The following VWA2 variants were observed in gnomAD, a reference collection of about 807,000 sequenced individuals.
The protein encoded by VWA2 is von Willebrand factor A domain-containing protein 2.
VWA2 carries 73 observed loss-of-function variants against 70.4 expected under a neutral mutation model. That is an observed-to-expected ratio of 1.04 (90% CI 0.86 to 1.26). VWA2 has a LOEUF of 1.26. Among genes scored for constraint, VWA2 ranks in the 50% most tolerant of loss-of-function variants. The pLI is 0.00. For missense variants in VWA2, 1,011 were observed against 998.5 expected (o/e 1.01, Z -0.17); for synonymous variants, 407 against 423.3 (o/e 0.96, Z 0.47).
Position 114,291,262 on chromosome 10 carries a change from G to T in VWA2, c.*25G>T. 2 of 1,548,410 alleles carry T rather than the reference G, an allele frequency of 1.3e-6. No homozygotes were observed. The highest frequency in any genetic ancestry group is 1.7e-6 in the Non-Finnish European group (2 of 1,146,038). On this transcript the variant is annotated 3_prime_UTR_variant, in exon 14 of 14. Coordinates refer to ENST00000392982, the MANE Select transcript of VWA2 (RefSeq NM_001272046.2). The stretch of plus-strand genomic sequence containing the variant: ...AGGCACATGGCTCCCGTGCAGGAGG[G>T]CAGCAGCCGTACCCCTCCCAGCAAC...
intron 8 of VWA2, among the ~76,000 whole-genome samples, chr10:114,281,490 G>A (rs2038113722): frequency 6.6e-6 from 1 of 152,230 alleles, no homozygotes; most frequent in Admixed American, 6.5e-5. Context: ...CTGGAACATG[G>A]AGGGAACCAT....
chr10:114,266,796 T>C (rs1338963689), intron 5 of VWA2, among the ~76,000 whole-genome samples: 3 of 152,174 alleles, frequency 2.0e-5, no homozygotes, highest in Non-Finnish European at 2.9e-5. Flanking sequence ...GTCTCCACTT[T>C]ACCTTGGCAG....
chr10:114,276,673 A>ATT lies in VWA2; in HGVS notation c.567-1216_567-1215dup, dbSNP rs34808735. 1.5e-3 allele frequency among the ~76,000 whole-genome samples: 171 copies of ATT among 113,692 alleles called. 1 individual carries two copies. Among genetic ancestry groups the ATT allele is most frequent in the African/African-American group, 4.0e-3 (111 of 27,944 alleles). The allele number at this position is 113,692 out of a possible 152,430, so 74.6% of individuals were successfully genotyped here. ...CAGATGTCTGCCACGACACCCAGCAATTTTTTTTTTTTTTTTTTTTTTTTT... is the reference window on the plus strand; with the variant it reads ...CAGATGTCTGCCACGACACCCAGCAATTTTTTTTTTTTTTTTTTTTTTTTTTT... On this transcript the variant is annotated intron_variant, in intron 6 of 13. Coordinates refer to ENST00000392982, the MANE Select transcript of VWA2 (RefSeq NM_001272046.2).
rs370040869 is a variant in VWA2, at chr10:114,268,604, G to A, written c.372-4136G>A. Among the ~76,000 whole-genome samples, 7 of 152,252 alleles carry A rather than the reference G, an allele frequency of 4.6e-5. No homozygotes were observed. In the South Asian group the frequency reaches 1.2e-3, roughly 27 times the overall value. ...ACTATTCTCTGAGTGGGGTTTCCTC[G>A]TTTGTTAAACGTAGAAATAGACCCT... On this transcript the variant is annotated intron_variant, in intron 5 of 13. Transcript: ENST00000392982.
Position 114,254,906 on chromosome 10 carries a change from T to C in VWA2, c.128-9T>C. The C allele has an allele frequency of 6.2e-7, 1 of 1,611,970 alleles. No homozygotes were observed. Among genetic ancestry groups the C allele is most frequent in the Non-Finnish European group, 8.5e-7 (1 of 1,178,912 alleles). On this transcript the variant is annotated splice_polypyrimidine_tract_variant and intron_variant, in intron 3 of 13. Transcript: ENST00000392982. Reference sequence around the variant, plus strand: ...CCTGGTTGTCATCTGTCTGTCCCGCTCTCCCTAGTGATGTGGTGCTCGGCT... The same window carrying C: ...CCTGGTTGTCATCTGTCTGTCCCGCCCTCCCTAGTGATGTGGTGCTCGGCT...
At chr10:114,272,005 G>C (rs2037720973) in intron 5 of VWA2, among the ~76,000 whole-genome samples, 1 of 152,194 alleles carries the variant, frequency 6.6e-6, no homozygotes, top group Non-Finnish European at 1.5e-5. Context: ...CTCAAAGCTG[G>C]CAGTCCTCTC....
intron 2 of VWA2, among the ~76,000 whole-genome samples, chr10:114,251,526 G>C (rs186592052): frequency 6.6e-6 from 1 of 152,240 alleles, no homozygotes; most frequent in Non-Finnish European, 1.5e-5. Flanking sequence ...TATTTTAAAA[G>C]AAACTGTATT....
At chr10:114,240,513 G>A (rs1430168708) in intron 1 of VWA2, among the ~76,000 whole-genome samples, 2 of 152,206 alleles carry the variant, frequency 1.3e-5, no homozygotes, top group Admixed American at 1.3e-4. Context: ...TAATTAGAAC[G>A]TGTACATTTT....
At chr10:114,240,251 A>T (rs1291295716) in intron 1 of VWA2, among the ~76,000 whole-genome samples, 4 of 152,106 alleles carry the variant, frequency 2.6e-5, no homozygotes, top group African/African-American at 9.7e-5. Flanking sequence ...CCCTTCCAAT[A>T]AGGCTAACAA....
chr10:114,269,437 A>G (rs76565919), intron 5 of VWA2, among the ~76,000 whole-genome samples: 3 of 152,054 alleles, frequency 2.0e-5, no homozygotes, highest in African/African-American at 7.2e-5. Flanking sequence ...AAAAATTAGC[A>G]GGGCATGGTG....
At chr10:114,268,685 CTTTTTCT>C (rs1201457599) in intron 5 of VWA2, among the ~76,000 whole-genome samples, 16 of 135,746 alleles carry the variant, frequency 1.2e-4, no homozygotes, top group Non-Finnish European at 2.3e-4. Flanking sequence ...GGAGGGATTT[CTTTTTCT>C]TTTTTCTTTT....
intron 1 of VWA2, chr10:114,246,071 C>T: frequency 6.8e-6 from 3 of 439,744 alleles, no homozygotes; most frequent in Admixed American, 2.6e-5. Context: ...CTGCCCCCGC[C>T]CCCCGCCCAA....
chr10:114,243,498 T>C (rs1193329161), intron 1 of VWA2, among the ~76,000 whole-genome samples: 1 of 152,220 alleles, frequency 6.6e-6, no homozygotes, highest in Non-Finnish European at 1.5e-5. Flanking sequence ...CGGATATTTT[T>C]ACCTCTGATT....
At chr10:114,279,748 T>C (rs985733211) in intron 8 of VWA2, among the ~76,000 whole-genome samples, 11 of 152,280 alleles carry the variant, frequency 7.2e-5, no homozygotes, top group African/African-American at 2.6e-4. Flanking sequence ...AGCCAGGCAA[T>C]GTGCAATAAG....
chr10:114,253,357 A>C (rs913145295), intron 2 of VWA2, among the ~76,000 whole-genome samples: 1 of 73,938 alleles, frequency 1.4e-5, no homozygotes, highest in Non-Finnish European at 2.6e-5. Context: ...ATTACACCTG[A>C]CCAGGGACAA....
intron 9 of VWA2, among the ~76,000 whole-genome samples, 163 bp downstream of exon 9, chr10:114,282,734 C>T (rs1237675593): frequency 6.6e-6 from 1 of 152,146 alleles, no homozygotes; most frequent in African/African-American, 2.4e-5. Flanking sequence ...CTCTTGACTC[C>T]CTCAATGGTG....
At chr10:114,246,526 CG>C in intron 1 of VWA2, 1 of 377,656 alleles carries the variant, frequency 2.6e-6, no homozygotes, top group Non-Finnish European at 4.6e-6. Context: ...AAAAAAAAAA[CG>C]AGTATCATGG....
At chr10:114,272,634 A>G (rs547893102) in intron 5 of VWA2, 106 bp from the exon 6 acceptor site, 49 of 1,016,458 alleles carry the variant, frequency 4.8e-5, no homozygotes, top group Admixed American at 1.2e-4. Flanking sequence ...GGAGAAAGCT[A>G]CCTTTCGCTA....
chr10:114,260,041 A>C (rs2037411611), intron 4 of VWA2, among the ~76,000 whole-genome samples: 1 of 152,216 alleles, frequency 6.6e-6, no homozygotes, highest in Admixed American at 6.5e-5. Flanking sequence ...TGGGGAGCAG[A>C]GGGCAGCATC....
Sources: allele counts gnomAD v4.1 joint callset (sites outside exome capture counted in the v4.1 genomes callset), GRCh38; gene constraint gnomAD v4.1.1; transcripts MANE v1.5; gene names NCBI Gene and HGNC (gene_info 2026-07-23, HGNC 2026-07-21).